Variants in LCORL observed in about 807,000 individuals in gnomAD.
The protein encoded by LCORL is ligand dependent nuclear receptor corepressor like.
A neutral mutation model predicts 141.8 loss-of-function variants in LCORL; 41 were observed. The observed-to-expected ratio is 0.29, with a 90% CI of 0.23 to 0.38. The LOEUF (loss-of-function observed/expected upper bound fraction) is 0.38. LCORL is among the 10% of genes least tolerant of loss of function. The probability of loss-of-function intolerance (pLI) is 1.00; values close to 1 mark genes in which losing one functional copy is unlikely to be tolerated. For synonymous variants in LCORL, 618 were observed against 694.1 expected (o/e 0.89, Z 1.72); for missense variants, 1,759 against 2,035.0 (o/e 0.86, Z 2.61).
exon 4 of LCORL, chr4:17,961,904 T>C: frequency 2.5e-6 from 4 of 1,607,076 alleles, no homozygotes; most frequent in Non-Finnish European, 3.4e-6. Context: ...CAATATTACC[T>C]TTCTTTCGAA....
intron 1 of LCORL, among the ~76,000 whole-genome samples, chr4:18,004,632 A>G (rs1722493505): frequency 6.6e-6 from 1 of 152,028 alleles, no homozygotes; most frequent in African/African-American, 2.4e-5. Context: ...ATATCATTCC[A>G]CCCTGGCCCC....
intron 6 of LCORL, chr4:17,881,610 A>G: frequency 2.0e-6 from 2 of 981,506 alleles, no homozygotes; most frequent in Non-Finnish European, 2.4e-6. Context: ...TGAATCCTGT[A>G]AAGTTTTTGG....
chr4:17,966,220 A>G (rs920108588), intron 2 of LCORL, among the ~76,000 whole-genome samples: 2 of 152,086 alleles, frequency 1.3e-5, no homozygotes, highest in African/African-American at 4.8e-5. Flanking sequence ...CAGCTGGTTC[A>G]TTGGGGAAAA....
chr4:17,930,148 T>C (rs542073397), intron 4 of LCORL, among the ~76,000 whole-genome samples: 2 of 152,322 alleles, frequency 1.3e-5, no homozygotes, highest in African/African-American at 2.4e-5. Flanking sequence ...CCTCATACAA[T>C]GTTGGTGGCA....
At chr4:17,954,204 A>G (rs1477735573) in intron 4 of LCORL, among the ~76,000 whole-genome samples, 1 of 152,066 alleles carries the variant, frequency 6.6e-6, no homozygotes, top group Admixed American at 6.6e-5. Flanking sequence ...CAAAAACGTG[A>G]AAGAGTGACT....
At chr4:17,941,852 ATTT>A (rs10716443) in intron 4 of LCORL, among the ~76,000 whole-genome samples, 4 of 145,230 alleles carry the variant, frequency 2.8e-5, no homozygotes, top group Admixed American at 6.8e-5. Context: ...CCATGATAGA[ATTT>A]TTTTTTTTTT....
chr4:17,949,524 A>G (rs1739399099), intron 4 of LCORL, among the ~76,000 whole-genome samples: 1 of 152,130 alleles, frequency 6.6e-6, no homozygotes, highest in African/African-American at 2.4e-5. Flanking sequence ...TAACATGGCC[A>G]AAGTTAGTAA....
intron 4 of LCORL, among the ~76,000 whole-genome samples, chr4:17,935,625 C>T (rs1007930153): frequency 6.6e-6 from 1 of 152,162 alleles, no homozygotes; most frequent in Non-Finnish European, 1.5e-5. Context: ...TTCTTCCTCT[C>T]TCACCATGTG....
intron 4 of LCORL, among the ~76,000 whole-genome samples, chr4:17,927,967 G>C (rs1023891349): frequency 3.9e-5 from 6 of 152,156 alleles, no homozygotes; most frequent in Non-Finnish European, 8.8e-5. Context: ...ATAAAGCAAA[G>C]CATAATAAAA....
chr4:17,940,233 A>G (rs896740130), intron 4 of LCORL, among the ~76,000 whole-genome samples: 3 of 137,924 alleles, frequency 2.2e-5, no homozygotes, highest in Admixed American at 7.7e-5. Flanking sequence ...TATAAAATCT[A>G]AGGACACTGT....
chr4:17,927,502 C>A (rs192227504), intron 4 of LCORL, among the ~76,000 whole-genome samples: 156 of 152,304 alleles, frequency 1.0e-3, no homozygotes, highest in Middle Eastern at 3.4e-3. Context: ...TTTGGCCTAT[C>A]CTGACTTTTG....
chr4:17,918,536 T>G (rs1733804484), intron 4 of LCORL, among the ~76,000 whole-genome samples: 1 of 152,068 alleles, frequency 6.6e-6, no homozygotes, highest in Admixed American at 6.5e-5. Flanking sequence ...CAGACAGAAA[T>G]TGTGATGTTG....
intron 1 of LCORL, among the ~76,000 whole-genome samples, chr4:17,975,621 C>T (rs1716798697): frequency 6.6e-6 from 1 of 152,088 alleles, no homozygotes; most frequent in Non-Finnish European, 1.5e-5. Flanking sequence ...GTCTCAAACT[C>T]CTGACCTCAG....
intron 1 of LCORL, among the ~76,000 whole-genome samples, chr4:18,007,373 T>A (rs1013096932): frequency 6.6e-6 from 1 of 152,222 alleles, no homozygotes; most frequent in African/African-American, 2.4e-5. Flanking sequence ...TGTTTCTTCA[T>A]GATTCAATTA....
At chr4:17,881,980 GAAA>G (rs35105182) in intron 6 of LCORL, 368 of 860,928 alleles carry the variant, frequency 4.3e-4, no homozygotes, top group Non-Finnish European at 4.5e-4. Context: ...TTCTTGGGGT[GAAA>G]AAAAAAAAAA....
intron 1 of LCORL, among the ~76,000 whole-genome samples, chr4:17,974,881 C>A (rs1161230407): frequency 3.3e-5 from 5 of 152,072 alleles, no homozygotes; most frequent in Non-Finnish European, 5.9e-5. Context: ...TCAAAAGATT[C>A]TTTTAATACC....
intron 5 of LCORL, among the ~76,000 whole-genome samples, chr4:17,887,998 A>C (rs1043001127): frequency 6.6e-5 from 10 of 152,180 alleles, no homozygotes; most frequent in South Asian, 4.1e-4. Flanking sequence ...GCTGATCATC[A>C]TAATAGGTTA....
exon 7 of LCORL, chr4:17,876,906 T>C (rs1382423035): frequency 8.1e-7 from 1 of 1,230,726 alleles, no homozygotes; most frequent in East Asian, 3.2e-5. Flanking sequence ...TAATGCATAA[T>C]TTGGTGAAAA....
At chr4:17,937,221 C>T (rs1737008674) in intron 4 of LCORL, among the ~76,000 whole-genome samples, 1 of 152,208 alleles carries the variant, frequency 6.6e-6, no homozygotes, top group Admixed American at 6.5e-5. Context: ...TGCCAACATT[C>T]TATTGCAATT....
Sources: allele counts gnomAD v4.1 joint callset (sites outside exome capture counted in the v4.1 genomes callset), GRCh38; gene constraint gnomAD v4.1.1; transcripts MANE v1.5; gene names NCBI Gene and HGNC (gene_info 2026-07-23, HGNC 2026-07-21).